The following FTO variants were observed in gnomAD, a reference collection of about 807,000 sequenced individuals.
FTO encodes FTO alpha-ketoglutarate dependent dioxygenase.
Under a neutral mutation model 63.9 loss-of-function variants are expected in FTO, and 47 were observed. The ratio of observed to expected loss-of-function variants is 0.74; its 90% CI spans 0.58 to 0.94. The LOEUF (loss-of-function observed/expected upper bound fraction) is 0.94, where lower values mean the gene tolerates loss of function less well. FTO is among the 40% of genes least tolerant of loss of function. The pLI, the probability that FTO is intolerant of heterozygous loss-of-function variation, is 0.00. For missense variants in FTO, 562 were observed against 618.1 expected (o/e 0.91, Z 0.96); for synonymous variants, 207 against 224.4 (o/e 0.92, Z 0.69).
intron 3 of FTO, among the ~76,000 whole-genome samples, chr16:53,833,562 T>C (rs938626252): frequency 6.6e-4 from 100 of 152,182 alleles, no homozygotes; most frequent in Non-Finnish European, 4.7e-4. Context: ...GTGTGTATAC[T>C]TTTTTTGTGT....
intron 6 of FTO, among the ~76,000 whole-genome samples, chr16:53,883,707 TG>T (rs1390540149): frequency 7.0e-6 from 1 of 143,814 alleles, no homozygotes; most frequent in Non-Finnish European, 1.5e-5. Context: ...GTTAGGGAGG[TG>T]GGGCAGAGAT....
intron 7 of FTO, among the ~76,000 whole-genome samples, chr16:53,892,234 C>T (rs1446664715): frequency 6.6e-6 from 1 of 151,764 alleles, no homozygotes; most frequent in East Asian, 1.9e-4. Flanking sequence ...ACCAGCCCAC[C>T]TCATATTTTC....
chr16:54,070,267 T>C (rs1371390183), intron 8 of FTO: 3 of 152,186 alleles, frequency 2.0e-5, no homozygotes, highest in African/African-American at 7.2e-5. Flanking sequence ...GTCTAATACA[T>C]ATAAGATTTT....
intron 8 of FTO, among the ~76,000 whole-genome samples, chr16:54,077,444 G>A (rs1445836789): frequency 4.6e-5 from 7 of 152,082 alleles, no homozygotes; most frequent in Admixed American, 2.0e-4. Flanking sequence ...TAACACATCC[G>A]TGCCCCTGGA....
chr16:54,035,152 T>A (rs2084915233), intron 8 of FTO, among the ~76,000 whole-genome samples: 1 of 152,270 alleles, frequency 6.6e-6, no homozygotes, highest in Non-Finnish European at 1.5e-5. Flanking sequence ...AGGATCTGAT[T>A]TGTCATTCTT....
At chr16:53,837,161 T>C (rs534387704) in intron 3 of FTO, among the ~76,000 whole-genome samples, 7 of 152,236 alleles carry the variant, frequency 4.6e-5, no homozygotes, top group South Asian at 2.1e-4. Context: ...TTTGAAGCTT[T>C]AGCTAATGGC....
At chr16:53,775,916 A>T (rs1341536816) in intron 1 of FTO, among the ~76,000 whole-genome samples, 1 of 151,860 alleles carries the variant, frequency 6.6e-6, no homozygotes, top group African/African-American at 2.4e-5. Context: ...TCTTTTTATG[A>T]CTATATACTC....
intron 8 of FTO, among the ~76,000 whole-genome samples, chr16:54,035,110 T>C (rs565722572): frequency 6.6e-6 from 1 of 152,396 alleles, no homozygotes; most frequent in South Asian, 2.1e-4. Context: ...GTGTGACTGA[T>C]ATTCAGCAAG....
At chr16:53,943,903 G>A (rs1007572576) in intron 8 of FTO, among the ~76,000 whole-genome samples, 2 of 152,154 alleles carry the variant, frequency 1.3e-5, no homozygotes, top group Non-Finnish European at 1.5e-5. Context: ...TATCCGTACC[G>A]TGGTTCCCAT....
At chr16:54,051,345 G>T (rs2085308419) in intron 8 of FTO, among the ~76,000 whole-genome samples, 2 of 152,218 alleles carry the variant, frequency 1.3e-5, no homozygotes, top group Non-Finnish European at 2.9e-5. Flanking sequence ...CTGGTTATGG[G>T]TTGGCAACCC....
chr16:53,816,981 C>A (rs2078710606), intron 2 of FTO, among the ~76,000 whole-genome samples: 1 of 152,106 alleles, frequency 6.6e-6, no homozygotes, highest in Non-Finnish European at 1.5e-5. Context: ...CCAATTATTC[C>A]CTGCTCCCAC....
rs77282610 is a variant in FTO at position 53,807,965 on chromosome 16, A to G, written c.46-2175A>G. ...GTGAATTATCCAAACTGGTTTGTCG[A>G]TTATCTGTAATGGTGTGTGTTACAT... On this transcript the variant is annotated intron_variant, in intron 1 of 8. Transcript: ENST00000471389. 4.4e-3 allele frequency among the ~76,000 whole-genome samples: 672 copies of G among 152,312 alleles called. 1 individual carries two copies. The highest frequency in any genetic ancestry group is 0.017 in the Middle Eastern group (5 of 294).
At position 54,051,815 on chromosome 16, in the gene FTO, CTT is replaced by C. The variant is rs1184934185; in HGVS notation, c.1365-59944_1365-59943del. ...CTTGGCTAGGAAACAAAGGAAGTCT[CTT>C]TTAAGAGGTGTTTTACATTTTATGA... On this transcript the variant is annotated intron_variant, in intron 8 of 8. Transcript: ENST00000471389. Among the ~76,000 whole-genome samples the C allele has an allele frequency of 1.9e-4, 29 of 152,312 alleles. 1 individual carries two copies. Among genetic ancestry groups the C allele is most frequent in the Middle Eastern group, 3.4e-3 (1 of 294 alleles).
chr16:54,077,634 G>C (rs1274248998), intron 8 of FTO, among the ~76,000 whole-genome samples: 2 of 152,186 alleles, frequency 1.3e-5, no homozygotes, highest in Admixed American at 1.3e-4. Flanking sequence ...AGACAGGAAA[G>C]GAAGCTTCCT....
chr16:54,023,604 C>T (rs988321901), intron 8 of FTO, among the ~76,000 whole-genome samples: 1 of 152,180 alleles, frequency 6.6e-6, no homozygotes, highest in African/African-American at 2.4e-5. Context: ...GCTAAGCCTC[C>T]GTTCCTTCGT....
At chr16:53,930,318 G>A (rs147424447) in intron 7 of FTO, among the ~76,000 whole-genome samples, 1 of 144,624 alleles carries the variant, frequency 6.9e-6, no homozygotes, top group Non-Finnish European at 1.5e-5. Context: ...CTGCCTCCCG[G>A]GTTCATGCCA....
intron 1 of FTO, among the ~76,000 whole-genome samples, chr16:53,733,403 CAAAAAAA>C (rs1443550927): frequency 1.7e-4 from 25 of 150,936 alleles, no homozygotes; most frequent in Non-Finnish European, 3.7e-4. Flanking sequence ...ACTCCGTCTC[CAAAAAAA>C]GAAAAAATAA....
At chr16:53,813,374 C>T (rs963216429) in intron 2 of FTO, among the ~76,000 whole-genome samples, 4 of 151,900 alleles carry the variant, frequency 2.6e-5, no homozygotes, top group African/African-American at 7.2e-5. Flanking sequence ...ACCATGCCTG[C>T]CTAATTTTTG....
intron 6 of FTO, among the ~76,000 whole-genome samples, chr16:53,885,893 G>A (rs1014463717): frequency 6.6e-6 from 1 of 152,080 alleles, no homozygotes; most frequent in African/African-American, 2.4e-5. Flanking sequence ...GAGCACAGGC[G>A]CGTGCCACCA....
Sources: gnomAD v4.1 joint callset for allele counts (sites outside exome capture counted in the v4.1 genomes callset) on GRCh38, gnomAD v4.1.1 for gene constraint, MANE v1.5 for transcripts, NCBI Gene and HGNC (gene_info 2026-07-23, HGNC 2026-07-21) for gene names.